MYO9A: variants seen among roughly 807,000 people sequenced by gnomAD.
The protein encoded by MYO9A is myosin IXA, also known as unconventional myosin-IXa.
A neutral mutation model predicts 293.3 loss-of-function variants in MYO9A; 103 were observed. That is an observed-to-expected ratio of 0.35 (90% CI 0.30 to 0.41). The LOEUF is 0.41. MYO9A is among the 10% of genes least tolerant of loss of function. The pLI is 1.00. For synonymous variants in MYO9A, 1,001 were observed against 1,035.7 expected, an observed-to-expected ratio of 0.97 and a Z score of 0.64; for missense variants, 2,685 against 3,033.0, an observed-to-expected ratio of 0.89 and a Z score of 2.69.
intron 22 of MYO9A, 107 bp from the exon 23 acceptor site, chr15:71,901,447 G>T: frequency 8.8e-7 from 1 of 1,130,774 alleles, no homozygotes; most frequent in Non-Finnish European, 1.2e-6. Flanking sequence ...CAAACACAGT[G>T]GCAGGCATGT....
intron 7 of MYO9A, among the ~76,000 whole-genome samples, chr15:72,009,578 A>G (rs2077114915): frequency 6.6e-6 from 1 of 151,670 alleles, no homozygotes. Flanking sequence ...GCTGAGTGTG[A>G]TGGTACAAGC....
intron 27 of MYO9A, among the ~76,000 whole-genome samples, chr15:71,884,453 A>G (rs538504952): frequency 6.6e-6 from 1 of 152,248 alleles, no homozygotes; most frequent in African/African-American, 2.4e-5. Context: ...CTTTTTTCTT[A>G]AAGAACAGGT....
At chr15:71,845,169 T>A (rs1012855811) in intron 39 of MYO9A, among the ~76,000 whole-genome samples, 2 of 152,164 alleles carry the variant, frequency 1.3e-5, no homozygotes, top group African/African-American at 4.8e-5. Context: ...AGATCCTTTA[T>A]CCAAGGCTTT....
rs769642105 is a variant in MYO9A, at chr15:71,823,077, C to T, written c.*3503G>A. 4 of 151,626 alleles carry T rather than the reference C, an allele frequency of 2.6e-5. No homozygotes were observed. The highest frequency in any genetic ancestry group is 1.9e-4 in the East Asian group (1 of 5,158). 9.4% of individuals were successfully genotyped at this position (151,626 alleles called of 1,614,324 possible). ...TGTCCATACAGAATGATGCATGCCC[C>T]GCATCCAGCTTCCCACCAAGAAGAA... On this transcript the variant is annotated 3_prime_UTR_variant, in exon 42 of 42. Coordinates refer to ENST00000356056, the MANE Select transcript of MYO9A (RefSeq NM_006901.4).
At chr15:72,014,466 A>T (rs1028662035) in intron 6 of MYO9A, among the ~76,000 whole-genome samples, 2 of 152,110 alleles carry the variant, frequency 1.3e-5, no homozygotes, top group Non-Finnish European at 2.9e-5. Flanking sequence ...CATGCAGATC[A>T]CCTGAGGTCA....
intron 19 of MYO9A, among the ~76,000 whole-genome samples, chr15:71,911,039 A>G (rs1476571133): frequency 6.6e-6 from 1 of 152,082 alleles, no homozygotes; most frequent in Non-Finnish European, 1.5e-5. Flanking sequence ...GAACTCCTCT[A>G]TCACCCCCAA....
At chr15:72,011,606 AATTG>A (rs1394038028) in intron 6 of MYO9A, among the ~76,000 whole-genome samples, 2 of 152,032 alleles carry the variant, frequency 1.3e-5, no homozygotes, top group Admixed American at 1.3e-4. Flanking sequence ...AGAAAAAAAA[AATTG>A]TTGTGGAATA....
chr15:72,084,978 G>A (rs1166561014), intron 1 of MYO9A, among the ~76,000 whole-genome samples: 2 of 152,154 alleles, frequency 1.3e-5, no homozygotes, highest in African/African-American at 4.8e-5. Flanking sequence ...CGTATTTCTT[G>A]GAGGTTTTGT....
At position 71,935,397 on chromosome 15, in the gene MYO9A, T is replaced by C. The variant is rs769298685; in HGVS notation, c.2466A>G (p.Gly822=). ...SSGTSLLDKD[G]IFANSTSSKL... is the part of the protein sequence containing the mutation. ...TGCTGCTAGTTGAATTAGCAAATAT[T>C]CCATCTTTATCAAGCAAGGAGGTGC... Residue 822 remains glycine (G), a synonymous_variant, in exon 17 of 42, where the codon GGA becomes GGG. Coordinates refer to ENST00000356056, the MANE Select transcript of MYO9A (RefSeq NM_006901.4). 11 of 1,613,746 alleles carry C rather than the reference T, an allele frequency of 6.8e-6. No individual in the cohort carries two copies. Among genetic ancestry groups the C allele is most frequent in the Admixed American group, 1.7e-5 (1 of 60,006 alleles).
At chr15:72,106,598 G>GT (rs879894427) in intron 1 of MYO9A, among the ~76,000 whole-genome samples, 72 of 151,450 alleles carry the variant, frequency 4.8e-4, no homozygotes, top group Non-Finnish European at 7.5e-4. Flanking sequence ...AAAATCAAGG[G>GT]TTTTTTTTTA....
intron 1 of MYO9A, among the ~76,000 whole-genome samples, chr15:72,079,240 C>T (rs939773663): frequency 1.3e-5 from 2 of 151,824 alleles, no homozygotes; most frequent in South Asian, 2.1e-4. Flanking sequence ...CCGGAAACTC[C>T]GTATTTTCTG....
chr15:71,953,335 G>GA (rs2059098015), intron 14 of MYO9A, among the ~76,000 whole-genome samples: 1 of 152,088 alleles, frequency 6.6e-6, no homozygotes, highest in Non-Finnish European at 1.5e-5. Flanking sequence ...ACCAGTTGAG[G>GA]AAAAAACACC....
chr15:71,939,840 AAGAT>A (rs2058730652), intron 15 of MYO9A, among the ~76,000 whole-genome samples: 1 of 152,252 alleles, frequency 6.6e-6, no homozygotes, highest in Non-Finnish European at 1.5e-5. Context: ...ATCTCTACTC[AAGAT>A]GACAATCTTG....
At position 71,935,461 on chromosome 15, in the gene MYO9A, T is replaced by C. The variant is rs2058614463; in HGVS notation, c.2402A>G (p.Asn801Ser). ...GCTCTGGCGAATCCCAGTTCTGCCATTCCAGGCAATATCAAATGTATCACT... is the reference window on the plus strand; with the variant it reads ...GCTCTGGCGAATCCCAGTTCTGCCACTCCAGGCAATATCAAATGTATCACT... ...NQHDTFDIAW[N>S]GRTGIRQSRL... The change falls in exon 17 of 42, where the codon AAT (asparagine) becomes AGT (serine). Residue 801 changes from asparagine (N) to serine (S), a missense_variant. This residue lies in a region of MYO9A where 1,434 missense variants were observed against 1,497.7 expected (regional missense o/e 0.96). Coordinates refer to ENST00000356056, the MANE Select transcript of MYO9A (RefSeq NM_006901.4). 3 of 1,613,576 alleles carry C rather than the reference T, an allele frequency of 1.9e-6. No individual in the cohort carries two copies. The highest frequency in any genetic ancestry group is 2.5e-6 in the Non-Finnish European group (3 of 1,179,640).
intron 4 of MYO9A, 49 bp downstream of exon 4, chr15:72,027,682 C>T (rs367587007): frequency 9.9e-5 from 138 of 1,394,520 alleles, no homozygotes; most frequent in East Asian, 7.8e-4. Context: ...AGTCAGTCTG[C>T]GTGATACAAA....
intron 25 of MYO9A, chr15:71,896,844 A>G (rs536690602): frequency 6.6e-6 from 1 of 152,270 alleles, no homozygotes; most frequent in South Asian, 2.1e-4. Context: ...TTGGAAACAG[A>G]AAGTAGAATG....
At chr15:72,026,586 A>G (rs899306183) in intron 4 of MYO9A, among the ~76,000 whole-genome samples, 1 of 151,510 alleles carries the variant, frequency 6.6e-6, no homozygotes, top group Admixed American at 6.6e-5. Flanking sequence ...GAAGGAAATA[A>G]TAAGCATCAG....
Position 71,898,083 on chromosome 15 carries a change from T to C in MYO9A, c.4420A>G (p.Ile1474Val), listed in dbSNP as rs764688471. ...RRYHCSGKDQ[I>V]VPSLNTESSN... ...GACTCTGTATTCAAAGAAGGAACAA[T>C]CTGATCTTTTCCTGAGCAGTGATAC... The change falls in exon 25 of 42, where the codon ATT becomes GTT. Residue 1474 changes from isoleucine to valine, a missense_variant. Physicochemically the swap from Ile to Val is conservative, Grantham distance 29. Coordinates refer to ENST00000356056, the MANE Select transcript of MYO9A (RefSeq NM_006901.4). The C allele has an allele frequency of 9.9e-6, 16 of 1,614,072 alleles. No individual in the cohort carries two copies. Among genetic ancestry groups the C allele is most frequent in the African/African-American group, 1.3e-5 (1 of 74,930 alleles).
Position 71,830,210 on chromosome 15 carries a change from A to C in MYO9A, c.6939T>G (p.Ser2313Arg), listed in dbSNP as rs138603795. 5.3e-5 allele frequency: 85 copies of C among 1,614,062 alleles called. No individual in the cohort carries two copies. In the African/African-American group the frequency reaches 1.1e-3, roughly 21 times the overall value. The change falls in exon 40 of 42, where the codon AGT (serine) becomes AGG (arginine). Residue 2313 changes from serine (S) to arginine (R), a missense_variant. Coordinates refer to ENST00000356056, the MANE Select transcript of MYO9A (RefSeq NM_006901.4). Reference protein sequence around the residue: ...VSDVSEETLTSEAAMETDITE... With the variant: ...VSDVSEETLTREAAMETDITE... Reference sequence around the variant, plus strand: ...TGATGTCAGTCTCCATGGCTGCCTCACTAGTCAAGGTCTCCTCTGAGACAT... The same window carrying C: ...TGATGTCAGTCTCCATGGCTGCCTCCCTAGTCAAGGTCTCCTCTGAGACAT...
Sources: gnomAD v4.1 joint callset for allele counts (sites outside exome capture counted in the v4.1 genomes callset) on GRCh38, gnomAD v4.1.1 for gene constraint, gnomAD v4.1.1 regional missense constraint, MANE v1.5 for transcripts, NCBI Gene and HGNC (gene_info 2026-07-23, HGNC 2026-07-21) for gene names.